GLIS1: variants seen among roughly 807,000 people sequenced by gnomAD.
The protein encoded by GLIS1 is GLIS family zinc finger 1.
GLIS1 carries 24 observed loss-of-function variants against 63.8 expected under a neutral mutation model. The ratio of observed to expected loss-of-function variants is 0.38; its 90% CI spans 0.27 to 0.53. GLIS1 has a LOEUF of 0.53. Among genes scored for constraint, GLIS1 ranks in the 20% least tolerant of loss-of-function variants. The pLI, the probability that GLIS1 is intolerant of heterozygous loss-of-function variation, is 0.85. For synonymous variants in GLIS1, 450 were observed against 482.5 expected (o/e 0.93, Z 0.88); for missense variants, 1,036 against 1,074.1 (o/e 0.96, Z 0.50).
intron 4 of GLIS1, among the ~76,000 whole-genome samples, chr1:53,581,856 C>T (rs561030602): frequency 2.6e-5 from 4 of 152,098 alleles, no homozygotes; most frequent in Non-Finnish European, 4.4e-5. Context: ...TTTCCATGCC[C>T]TCCACCCCCT....
At chr1:53,689,766 C>G (rs948479515) in intron 2 of GLIS1, among the ~76,000 whole-genome samples, 18 of 152,170 alleles carry the variant, frequency 1.2e-4, no homozygotes, top group Non-Finnish European at 5.9e-5. Context: ...GATGTGTTAC[C>G]CCCACCAGGC....
intron 4 of GLIS1, 27 bp downstream of exon 4, chr1:53,594,081 G>A (rs201030759): frequency 2.8e-5 from 44 of 1,581,348 alleles, no homozygotes; most frequent in Non-Finnish European, 3.5e-5. Flanking sequence ...GGGCTGGGGT[G>A]AGGCCTGGCG....
chr1:53,679,962 G>T (rs754553827), intron 2 of GLIS1, among the ~76,000 whole-genome samples: 2 of 152,132 alleles, frequency 1.3e-5, no homozygotes, highest in African/African-American at 2.4e-5. Flanking sequence ...CACCCAGGGT[G>T]CCCCCAAATA....
intron 2 of GLIS1, among the ~76,000 whole-genome samples, chr1:53,716,319 G>A (rs1646698072): frequency 1.3e-5 from 2 of 152,142 alleles, no homozygotes. Context: ...GGTGCTTGGG[G>A]AGGTGTAATT....
chr1:53,713,718 C>T (rs1263990928), intron 2 of GLIS1, among the ~76,000 whole-genome samples: 6 of 152,324 alleles, frequency 3.9e-5, no homozygotes, highest in Admixed American at 6.5e-5. Context: ...GCTGTGATTA[C>T]ACCACTGCAA....
At position 53,594,094 on chromosome 1, in the gene GLIS1, CG is replaced by C. The variant is rs777772667; in HGVS notation, c.1320+13del. 6 of 1,591,540 alleles carry C rather than the reference CG, an allele frequency of 3.8e-6. 1 individual carries two copies. In the South Asian group the frequency reaches 5.7e-5, roughly 15 times the overall value. On this transcript the variant is annotated intron_variant, in intron 4 of 10. Transcript: ENST00000628545. ...AGGGGCTGGGGTGAGGCCTGGCGGC[CG>C]GTGGGAACTCACCATGCACTTGTTG...
intron 2 of GLIS1, among the ~76,000 whole-genome samples, chr1:53,614,721 G>A (rs1231332707): frequency 6.6e-6 from 1 of 152,136 alleles, no homozygotes; most frequent in Admixed American, 6.5e-5. Context: ...GGACTGTTCT[G>A]TTTCCTCATT....
chr1:53,694,032 T>A (rs946446801), intron 2 of GLIS1, among the ~76,000 whole-genome samples: 1 of 152,212 alleles, frequency 6.6e-6, no homozygotes, highest in African/African-American at 2.4e-5. Flanking sequence ...TCCCGGCCCC[T>A]GCAGTCTACT....
At position 53,509,011 on chromosome 1, in the gene GLIS1, C is replaced by T. The variant is rs1644267129; in HGVS notation, c.2230+109G>A. ...TCCCCCTCTGTAAAGTGGGGATGGC[C>T]CCACCACATAAGCATCCAAAGGCTG... On this transcript the variant is annotated intron_variant, in intron 10 of 10. Coordinates refer to ENST00000628545, the MANE Select transcript of GLIS1 (RefSeq NM_001367484.1). 7 of 1,135,268 alleles carry T rather than the reference C, an allele frequency of 6.2e-6. No homozygotes were observed. The East Asian group carries it at 1.9e-4, about 30-fold the overall frequency. 70.3% of individuals were successfully genotyped at this position (1,135,268 alleles called of 1,614,324 possible). A position where few individuals can be genotyped will look rare whatever the true frequency, so the allele number is the denominator to read the frequency against.
chr1:53,556,711 A>C (rs1644837145), intron 4 of GLIS1, among the ~76,000 whole-genome samples: 1 of 146,486 alleles, frequency 6.8e-6, no homozygotes, highest in African/African-American at 2.6e-5. Flanking sequence ...GGTGTACTGC[A>C]GATGTTTGTG....
At chr1:53,652,582 G>A (rs1292069468) in intron 2 of GLIS1, among the ~76,000 whole-genome samples, 3 of 152,182 alleles carry the variant, frequency 2.0e-5, no homozygotes, top group Non-Finnish European at 4.4e-5. Context: ...CAGGGATAGT[G>A]TCTGACTCAT....
In GLIS1 at chr1:53,594,827, G is replaced by T; in HGVS notation, c.601C>A (p.Leu201Ile). The change falls in exon 4 of 11, where the codon CTC becomes ATC. Residue 201 changes from leucine to isoleucine, a missense_variant. By Grantham distance (5) the Leu-to-Ile change is conservative (BLOSUM62 2). This residue lies in a region of GLIS1 where 592 missense variants were observed against 593.9 expected (regional missense o/e 1.00). Transcript: ENST00000628545. ...GGGGTGGCGAGGCTTCGGCCCGGGA[G>T]GTCCAGGTCTGGGTGCAGGCCAGTG... ...LATGLHPDLD[L>I]PGRSLATPAP... The T allele has an allele frequency of 1.2e-6, 2 of 1,605,482 alleles. No individual in the cohort carries two copies. The highest frequency in any genetic ancestry group is 2.2e-5 in the East Asian group (1 of 44,810).
At chr1:53,516,545 AAAC>A (rs1028058786) in intron 7 of GLIS1, among the ~76,000 whole-genome samples, 1 of 152,102 alleles carries the variant, frequency 6.6e-6, no homozygotes, top group African/African-American at 2.4e-5. Context: ...TTAAAAAAAA[AAAC>A]AAGCCTGTAA....
At chr1:53,679,128 T>A (rs1336387150) in intron 2 of GLIS1, among the ~76,000 whole-genome samples, 2 of 151,916 alleles carry the variant, frequency 1.3e-5, no homozygotes, top group Non-Finnish European at 2.9e-5. Context: ...CAACCTTACA[T>A]CCCACTTCAT....
chr1:53,695,136 G>A (rs796340513), intron 2 of GLIS1, among the ~76,000 whole-genome samples: 1 of 152,208 alleles, frequency 6.6e-6, no homozygotes, highest in African/African-American at 2.4e-5. Context: ...TGTCAGCTGG[G>A]GTGGGGGTGG....
chr1:53,715,478 CG>C (rs2100535654), intron 2 of GLIS1, among the ~76,000 whole-genome samples: 1 of 152,224 alleles, frequency 6.6e-6, no homozygotes, highest in East Asian at 1.9e-4. Context: ...GAACAGAGGG[CG>C]GACAGAGGGC....
At chr1:53,716,006 G>C (rs1001540060) in intron 2 of GLIS1, among the ~76,000 whole-genome samples, 1 of 152,192 alleles carries the variant, frequency 6.6e-6, no homozygotes, top group Non-Finnish European at 1.5e-5. Flanking sequence ...GGCGAGAGTC[G>C]CACTGCAGGG....
chr1:53,517,231 C>A (rs1001491106), intron 7 of GLIS1, among the ~76,000 whole-genome samples: 1 of 151,984 alleles, frequency 6.6e-6, no homozygotes, highest in Non-Finnish European at 1.5e-5. Flanking sequence ...CCAGCTGAGG[C>A]CTCGGCTCTG....
intron 4 of GLIS1, among the ~76,000 whole-genome samples, chr1:53,553,529 C>T (rs1188193185): frequency 6.6e-6 from 1 of 152,192 alleles, no homozygotes; most frequent in African/African-American, 2.4e-5. Context: ...GCACAGCTCA[C>T]CTGCCGGTGG....
Sources: gnomAD v4.1 joint callset for allele counts (sites outside exome capture counted in the v4.1 genomes callset) on GRCh38, gnomAD v4.1.1 for gene constraint, gnomAD v4.1.1 regional missense constraint, MANE v1.5 for transcripts, NCBI Gene and HGNC (gene_info 2026-07-23, HGNC 2026-07-21) for gene names.